The following XPA variants were observed in gnomAD, a reference collection of about 807,000 sequenced individuals.
The protein encoded by XPA is DNA repair protein complementing XP-A cells.
Under a neutral mutation model 35.7 loss-of-function variants are expected in XPA, and 27 were observed. That is an observed-to-expected ratio of 0.76 (90% confidence interval 0.56 to 1.04). The LOEUF (loss-of-function observed/expected upper bound fraction) is 1.04. XPA is among the 50% of genes least tolerant of loss of function. The pLI is 0.00. For synonymous variants in XPA, 133 were observed against 118.4 expected (o/e 1.12, Z -0.80); for missense variants, 354 against 342.7 (o/e 1.03, Z -0.26).
At chr9:97,689,866 C>T (rs529015218) in intron 2 of XPA, among the ~76,000 whole-genome samples, 2 of 152,202 alleles carry the variant, frequency 1.3e-5, no homozygotes, top group South Asian at 4.1e-4. Context: ...ATTTCTGAAT[C>T]CCAGCCATGT....
chr9:97,656,498 C>T, the XPA span, among the ~76,000 whole-genome samples: 1 of 152,068 alleles, frequency 6.6e-6, no homozygotes, highest in Admixed American at 6.5e-5. Flanking sequence ...GTCCTTTGAG[C>T]CAAGATGGCG....
At chr9:97,682,513 G>A (rs752617349) in intron 5 of XPA, 15 of 506,770 alleles carry the variant, frequency 3.0e-5, no homozygotes, top group Admixed American at 8.1e-5. Context: ...AGACAGTGGA[G>A]TAATGTTACA....
chr9:97,687,160 A>G lies in XPA; in HGVS notation c.491T>C (p.Phe164Ser). 6.2e-7 allele frequency: 1 copy of G among 1,612,910 alleles called. No homozygotes were observed. Among genetic ancestry groups the G allele is most frequent in the Non-Finnish European group, 8.5e-7 (1 of 1,179,694 alleles). The change falls in exon 4 of 6, where the codon TTT becomes TCT. Residue 164 changes from phenylalanine (F) to serine (S), a missense_variant. By Grantham distance (155) the Phe-to-Ser change is radical. Coordinates refer to ENST00000375128, the MANE Select transcript of XPA (RefSeq NM_000380.4). Reference protein sequence around the residue: ...DLEKREPPLKFIVKKNPHHSQ... With the variant: ...DLEKREPPLKSIVKKNPHHSQ... ...ATGATGTGGATTCTTCTTCACAATA[A>G]ATTTAAGAGGTGGCTCTCTTTTTTC...
At chr9:97,662,903 A>G in the XPA span, 1 of 1,342,226 alleles carries the variant, frequency 7.5e-7, no homozygotes, top group Non-Finnish European at 1.0e-6. Context: ...AAACACTAAA[A>G]TGTTTAATGA....
At chr9:97,672,278 G>C (rs1175386429), downstream of XPA, 1 of 123,822 alleles carries the variant, frequency 8.1e-6, no homozygotes, top group African/African-American at 2.5e-5. Flanking sequence ...TACTGGTAGT[G>C]TTGTTGTGCA....
the XPA span, among the ~76,000 whole-genome samples, chr9:97,663,438 G>T: frequency 6.6e-6 from 1 of 151,948 alleles, no homozygotes; most frequent in African/African-American, 2.4e-5. Context: ...TTAACTTCTG[G>T]GGTTCATTGA....
the XPA span, among the ~76,000 whole-genome samples, chr9:97,661,516 C>T: frequency 6.6e-6 from 1 of 152,138 alleles, no homozygotes; most frequent in Non-Finnish European, 1.5e-5. Context: ...ATAATTTATA[C>T]AGTTGCCTGA....
chr9:97,683,914 C>T (rs575303749), intron 5 of XPA, among the ~76,000 whole-genome samples: 7 of 152,210 alleles, frequency 4.6e-5, no homozygotes, highest in South Asian at 2.1e-4. Context: ...ATGGATAGGA[C>T]GTTCACTTTC....
At chr9:97,670,190 T>TTA, downstream of XPA, 1 of 216,348 alleles carries the variant, frequency 4.6e-6, no homozygotes, top group Non-Finnish European at 9.5e-6. Flanking sequence ...GCTGCTGGGA[T>TTA]TATAGGCGTG....
chr9:97,658,956 C>G, the XPA span, among the ~76,000 whole-genome samples: 1 of 152,174 alleles, frequency 6.6e-6, no homozygotes, highest in Non-Finnish European at 1.5e-5. Flanking sequence ...ACTGGCTTAT[C>G]ATTTTTTCTC....
At chr9:97,668,830 C>T in the XPA span, 24 of 1,605,820 alleles carry the variant, frequency 1.5e-5, no homozygotes, top group Non-Finnish European at 2.0e-5. Context: ...TCCTTTTGTT[C>T]ATTTGCCTTC....
At chr9:97,695,349 T>C (rs1424688439) in intron 1 of XPA, among the ~76,000 whole-genome samples, 2 of 152,376 alleles carry the variant, frequency 1.3e-5, no homozygotes, top group East Asian at 3.9e-4. Flanking sequence ...ATTCTCACAC[T>C]ATAATGCCTG....
Position 97,693,685 on chromosome 9 carries a change from C to G in XPA, c.247G>C (p.Glu83Gln). Residue 83 changes from glutamate (E) to glutamine (Q), a missense_variant, in exon 2 of 6, where the codon GAA becomes CAA. Coordinates refer to ENST00000375128, the MANE Select transcript of XPA (RefSeq NM_000380.4). ...ACAACTTTTCCAATTTTCTGTTCTTCTTCTTCTTCCTCTTCTAAAATGAAG... is the reference window on the plus strand; with the variant it reads ...ACAACTTTTCCAATTTTCTGTTCTTGTTCTTCTTCCTCTTCTAAAATGAAG... ...GGFILEEEEE[E>Q]EQKIGKVVHQ... 1 of 1,613,480 alleles carries G rather than the reference C, an allele frequency of 6.2e-7. No homozygotes were observed.
chr9:97,678,959 C>G (rs944040658), intron 5 of XPA, among the ~76,000 whole-genome samples: 10 of 152,196 alleles, frequency 6.6e-5, no homozygotes, highest in Admixed American at 5.9e-4. Flanking sequence ...AAAATACGAG[C>G]TGTGTAAATA....
chr9:97,655,875 A>T, the XPA span: 1 of 1,339,880 alleles, frequency 7.5e-7, no homozygotes, highest in Non-Finnish European at 1.0e-6. Context: ...ATTTGTAGTT[A>T]AGTACAAATA....
At chr9:97,655,744 C>T in the XPA span, 1 of 1,612,764 alleles carries the variant, frequency 6.2e-7, no homozygotes, top group African/African-American at 1.3e-5. Flanking sequence ...ACTTCCAGTT[C>T]CGTTGGAGCT....
At chr9:97,658,211 A>G in the XPA span, among the ~76,000 whole-genome samples, 52 of 152,254 alleles carry the variant, frequency 3.4e-4, no homozygotes, top group African/African-American at 1.2e-3. Context: ...CTGTGTGTAT[A>G]TATGCCTCCA....
the XPA span, chr9:97,664,385 G>T: frequency 2.5e-6 from 4 of 1,613,114 alleles, no homozygotes; most frequent in Non-Finnish European, 2.5e-6. Flanking sequence ...ACAAATAGTT[G>T]ATTGTGCTGC....
chr9:97,694,754 C>T (rs1828992018), intron 1 of XPA, among the ~76,000 whole-genome samples: 1 of 152,100 alleles, frequency 6.6e-6, no homozygotes, highest in Admixed American at 6.5e-5. Context: ...CATCTCCAGG[C>T]ATATACACAA....
Sources: gnomAD v4.1 joint callset for allele counts (sites outside exome capture counted in the v4.1 genomes callset) on GRCh38, gnomAD v4.1.1 for gene constraint, MANE v1.5 for transcripts, NCBI Gene and HGNC (gene_info 2026-07-23, HGNC 2026-07-21) for gene names.